VTI1A: variants seen among roughly 807,000 people sequenced by gnomAD.
The protein encoded by VTI1A is vesicle transport through interaction with t-SNAREs homolog 1A.
Under a neutral mutation model 34.9 loss-of-function variants are expected in VTI1A, and 22 were observed. The observed-to-expected ratio is 0.63, with a 90% CI of 0.45 to 0.90. The LOEUF is 0.90. Ranked by LOEUF, VTI1A falls within the 40% of genes least tolerant of loss-of-function variation. The pLI, the probability that VTI1A is intolerant of heterozygous loss-of-function variation, is 0.00. For synonymous variants in VTI1A, 87 were observed against 97.3 expected (o/e 0.89, Z 0.62); for missense variants, 268 against 275.6 (o/e 0.97, Z 0.20).
intron 7 of VTI1A, among the ~76,000 whole-genome samples, chr10:112,695,730 CCACACCCAAGCAGCCCTGGAGTGGA>C (rs1019023878): frequency 8.5e-5 from 13 of 152,076 alleles, no homozygotes; most frequent in African/African-American, 3.1e-4. Flanking sequence ...CTCAGCTTGC[CCACACCCAAGCAGCCCTGGAGTGGA>C]CACACCCAGG....
intron 5 of VTI1A, among the ~76,000 whole-genome samples, chr10:112,590,620 T>G (rs2134431245): frequency 6.6e-6 from 1 of 152,172 alleles, no homozygotes. Flanking sequence ...AGGTCGAGGC[T>G]ACAGTGAGCT....
chr10:112,630,459 G>A (rs1377579934), intron 5 of VTI1A, among the ~76,000 whole-genome samples: 1 of 152,178 alleles, frequency 6.6e-6, no homozygotes, highest in Non-Finnish European at 1.5e-5. Context: ...TTTTGTTCTA[G>A]ATATTTACCT....
At chr10:112,791,693 G>A (rs1852483593) in intron 7 of VTI1A, among the ~76,000 whole-genome samples, 2 of 152,076 alleles carry the variant, frequency 1.3e-5, no homozygotes, top group Admixed American at 6.6e-5. Context: ...TTTCCACAAG[G>A]TGCTTGAAGG....
intron 7 of VTI1A, among the ~76,000 whole-genome samples, 194 bp from the exon 8 acceptor site, chr10:112,815,096 C>T (rs936244019): frequency 4.7e-5 from 7 of 149,950 alleles, no homozygotes; most frequent in Non-Finnish European, 1.0e-4. Flanking sequence ...CCTCGTGGAT[C>T]GTTTGTAGAA....
chr10:112,617,610 T>C (rs1353689711), intron 5 of VTI1A, among the ~76,000 whole-genome samples: 2 of 152,098 alleles, frequency 1.3e-5, no homozygotes, highest in Non-Finnish European at 2.9e-5. Flanking sequence ...AGGTGAGTGA[T>C]CAGAGTTCAA....
chr10:112,466,207 T>C (rs1454716232), intron 3 of VTI1A, among the ~76,000 whole-genome samples: 5 of 152,212 alleles, frequency 3.3e-5, no homozygotes, highest in African/African-American at 1.2e-4. Context: ...TTAGGTGTTT[T>C]GCTTTTGGAG....
chr10:112,697,399 CTTT>C (rs57723783), intron 7 of VTI1A, among the ~76,000 whole-genome samples: 1 of 114,032 alleles, frequency 8.8e-6, no homozygotes. Flanking sequence ...CTTTTCTTTT[CTTT>C]TTTTTTTTTT....
intron 7 of VTI1A, among the ~76,000 whole-genome samples, chr10:112,684,186 T>C (rs1848319339): frequency 6.6e-6 from 1 of 152,228 alleles, no homozygotes; most frequent in African/African-American, 2.4e-5. Context: ...GTATTTTATG[T>C]ACAACATATA....
chr10:112,633,101 C>G (rs1466568031), intron 5 of VTI1A, among the ~76,000 whole-genome samples: 2 of 152,080 alleles, frequency 1.3e-5, no homozygotes, highest in Non-Finnish European at 2.9e-5. Flanking sequence ...GCGGGCAGAT[C>G]ACGAGGTCAG....
At position 112,761,924 on chromosome 10, in the gene VTI1A, A is replaced by G. The variant is rs536801539; in HGVS notation, c.561-53366A>G. On this transcript the variant is annotated intron_variant, in intron 7 of 7. Coordinates refer to ENST00000393077, the MANE Select transcript of VTI1A (RefSeq NM_145206.4). ...TTGTTTTCTGAATATCTACTCCGCG[A>G]TCTGAGTAAATAAAGTCTTTTACAG... is the stretch of plus-strand genomic sequence containing the variant. 5.3e-5 allele frequency among the ~76,000 whole-genome samples: 8 copies of G among 152,260 alleles called. No individual in the cohort carries two copies. In the South Asian group the frequency reaches 8.3e-4, roughly 16 times the overall value.
At chr10:112,452,987 C>T (rs1268058772) in intron 1 of VTI1A, among the ~76,000 whole-genome samples, 2 of 152,012 alleles carry the variant, frequency 1.3e-5, no homozygotes, top group African/African-American at 4.8e-5. Flanking sequence ...TTAACTATTC[C>T]AGGATCCAAT....
At chr10:112,551,603 A>G (rs188772368) in intron 5 of VTI1A, among the ~76,000 whole-genome samples, 1 of 152,376 alleles carries the variant, frequency 6.6e-6, no homozygotes, top group Admixed American at 6.5e-5. Context: ...TTATATAAAT[A>G]TAAATTTCCT....
At position 112,817,790 on chromosome 10, in the gene VTI1A, G is replaced by A. The variant is rs1389690814; in HGVS notation, c.*2407G>A. ...GTGAGAGGTTCTAGGTACTTAGTGT[G>A]TAGACTTTGACGAATATTTCTCAAG... On this transcript the variant is annotated 3_prime_UTR_variant, in exon 8 of 8. Coordinates refer to ENST00000393077, the MANE Select transcript of VTI1A (RefSeq NM_145206.4). 8.6e-6 allele frequency: 2 copies of A among 231,788 alleles called. No homozygotes were observed. Among genetic ancestry groups the A allele is most frequent in the African/African-American group, 2.2e-5 (1 of 45,258 alleles). The allele number at this position is 231,788 out of a possible 1,614,324, so 14.4% of individuals were successfully genotyped here.
intron 5 of VTI1A, among the ~76,000 whole-genome samples, chr10:112,563,292 A>T (rs1338984816): frequency 6.6e-6 from 1 of 152,210 alleles, no homozygotes; most frequent in Non-Finnish European, 1.5e-5. Context: ...TACAATCCCC[A>T]GTTAAGACTG....
At chr10:112,732,663 A>G (rs566673536) in intron 7 of VTI1A, among the ~76,000 whole-genome samples, 1 of 152,170 alleles carries the variant, frequency 6.6e-6, no homozygotes, top group African/African-American at 2.4e-5. Flanking sequence ...TTGGAGATCC[A>G]TTACTGGGCC....
chr10:112,533,790 C>T (rs890844793), intron 4 of VTI1A, among the ~76,000 whole-genome samples: 1 of 148,274 alleles, frequency 6.7e-6, no homozygotes, highest in Non-Finnish European at 1.5e-5. Flanking sequence ...AAAGTTAATA[C>T]TTTAAAGGCC....
chr10:112,448,000 A>G (rs879080421), intron 1 of VTI1A, among the ~76,000 whole-genome samples: 3 of 152,092 alleles, frequency 2.0e-5, no homozygotes, highest in Non-Finnish European at 4.4e-5. Context: ...TCGCCATTGC[A>G]CTCCAGCCTA....
intron 7 of VTI1A, among the ~76,000 whole-genome samples, chr10:112,695,283 T>A (rs1261423249): frequency 6.6e-6 from 1 of 152,308 alleles, no homozygotes; most frequent in African/African-American, 2.4e-5. Context: ...GAGGGTTAAT[T>A]CTACTAGCAT....
intron 7 of VTI1A, among the ~76,000 whole-genome samples, chr10:112,704,315 A>G (rs570572771): frequency 2.6e-5 from 4 of 152,274 alleles, no homozygotes; most frequent in South Asian, 2.1e-4. Context: ...GCCCTTTCAA[A>G]TAGTCTTTTC....
Sources: allele counts gnomAD v4.1 joint callset (sites outside exome capture counted in the v4.1 genomes callset), GRCh38; gene constraint gnomAD v4.1.1; transcripts MANE v1.5; gene names NCBI Gene and HGNC (gene_info 2026-07-23, HGNC 2026-07-21).